The following FGF13 variants were observed in gnomAD, a reference collection of about 807,000 sequenced individuals.
FGF13 encodes fibroblast growth factor 13.
In FGF13, 2 loss-of-function variants were observed where a neutral mutation model predicts 19.5. The ratio of observed to expected loss-of-function variants is 0.10; its 90% CI spans 0.04 to 0.32. FGF13 has a LOEUF of 0.32. Among genes scored for constraint, FGF13 ranks in the 10% least tolerant of loss-of-function variants. The probability of loss-of-function intolerance (pLI) is 1.00; values close to 1 mark genes in which losing one functional copy is unlikely to be tolerated. For missense variants in FGF13, 113 were observed against 192.7 expected, an observed-to-expected ratio of 0.59 and a Z score of 2.45; for synonymous variants, 72 against 76.9, an observed-to-expected ratio of 0.94 and a Z score of 0.33.
At chrX:138,853,616 TGTGC>T (rs1170103451), downstream of FGF13, among the ~76,000 whole-genome samples, 5 of 79,011 alleles carry the variant, frequency 6.3e-5, no homozygotes, top group African/African-American at 9.4e-5. Context: ...TGTGTGTGCG[TGTGC>T]GTGTGTGTGT....
chrX:138,775,224 G>A (rs2090579132), intron 3 of FGF13, among the ~76,000 whole-genome samples: 1 of 112,314 alleles, frequency 8.9e-6, no homozygotes, highest in African/African-American at 3.2e-5. Context: ...CTCCCAAAGT[G>A]CTGGGATTAC....
intron 1 of FGF13, among the ~76,000 whole-genome samples, chrX:139,011,361 C>CAAAAA (rs3047329): frequency 1.2e-5 from 1 of 82,922 alleles, no homozygotes; most frequent in East Asian, 3.8e-4. Flanking sequence ...AACAAACAAA[C>CAAAAA]AAAAAAAAAA....
chrX:139,027,655 T>C lies in FGF13; in HGVS notation c.-112-163005A>G, dbSNP rs138594384. On this transcript the variant is annotated intron_variant, in intron 1 of 2. Coordinates refer to the FGF13 transcript ENST00000421460. ...TTGTTCAAAACACAGAGAGGTGTGT[T>C]TCCAGTCAAGTTTTCATTCAATACT... Among the ~76,000 whole-genome samples, 1,055 of 111,936 alleles carry C rather than the reference T, an allele frequency of 9.4e-3. 10 individuals are homozygous for C. The highest frequency in any genetic ancestry group is 0.032 in the African/African-American group (979 of 30,849).
At chrX:139,066,678 G>A (rs1307621261) in intron 1 of FGF13, among the ~76,000 whole-genome samples, 3 of 111,312 alleles carry the variant, frequency 2.7e-5, no homozygotes, top group African/African-American at 9.8e-5. Context: ...TGGATTCACA[G>A]CCGAATTCTA....
intron 1 of FGF13, among the ~76,000 whole-genome samples, chrX:138,937,225 T>C (rs1352300388): frequency 9.0e-6 from 1 of 111,458 alleles, no homozygotes; most frequent in East Asian, 2.8e-4. Context: ...TTACACAGTA[T>C]GTTGAGAACG....
chrX:139,172,138 T>C (rs2084138773), intron 1 of FGF13, among the ~76,000 whole-genome samples: 2 of 112,166 alleles, frequency 1.8e-5, no homozygotes, highest in Non-Finnish European at 3.8e-5. Flanking sequence ...TCTACTTTAT[T>C]TGCATTAAAT....
At chrX:138,789,208 C>G (rs2090718744) in intron 3 of FGF13, among the ~76,000 whole-genome samples, 1 of 110,656 alleles carries the variant, frequency 9.0e-6, no homozygotes, top group Non-Finnish European at 1.9e-5. Flanking sequence ...CTCCCTCTGT[C>G]GCCAGGCTGG....
At chrX:138,656,248 A>G (rs771057538) in intron 3 of FGF13, among the ~76,000 whole-genome samples, 3 of 111,848 alleles carry the variant, frequency 2.7e-5, no homozygotes, top group Non-Finnish European at 5.6e-5. Flanking sequence ...CTGAGGTATA[A>G]CAGTCATTTT....
chrX:139,115,148 C>A (rs937636173), intron 1 of FGF13, among the ~76,000 whole-genome samples: 1 of 111,181 alleles, frequency 9.0e-6, no homozygotes, highest in African/African-American at 3.3e-5. Context: ...GAACTCTTGC[C>A]GTTCCTCTAA....
At chrX:138,807,973 C>G (rs1180699169) in intron 3 of FGF13, among the ~76,000 whole-genome samples, 1 of 111,508 alleles carries the variant, frequency 9.0e-6, no homozygotes, top group African/African-American at 3.3e-5. Flanking sequence ...GAGACTTAGA[C>G]TCCCACACAA....
chrX:139,146,977 G>C (rs943778758), intron 1 of FGF13, among the ~76,000 whole-genome samples: 3 of 108,218 alleles, frequency 2.8e-5, no homozygotes, highest in African/African-American at 1.0e-4. Flanking sequence ...CGTGGGGTGG[G>C]GGAGGGAGGA....
chrX:139,100,043 C>CGCAA (rs2083498603), intron 1 of FGF13, among the ~76,000 whole-genome samples: 1 of 51,770 alleles, frequency 1.9e-5, no homozygotes, highest in Non-Finnish European at 4.2e-5. Flanking sequence ...GGAAAGCAAA[C>CGCAA]ACACACACAC....
chrX:138,728,181 T>C lies in FGF13; in HGVS notation c.28+11061A>G, dbSNP rs575410474. On this transcript the variant is annotated intron_variant, in intron 1 of 4. Coordinates refer to the FGF13 transcript ENST00000305414. ...ATATTTCACTCTAAGTGATATAATT[T>C]TTGCAACTTTCTTGTTTTGGCTCCG... Among the ~76,000 whole-genome samples the C allele has an allele frequency of 9.9e-5, 11 of 111,461 alleles. 2 individuals carry two copies. In the South Asian group the frequency reaches 4.2e-3, roughly 42 times the overall value.
chrX:138,884,953 C>T (rs147133993), intron 1 of FGF13, among the ~76,000 whole-genome samples: 31 of 112,062 alleles, frequency 2.8e-4, no homozygotes, highest in African/African-American at 9.1e-4. Context: ...CACCATTAGC[C>T]ATCTAGTTCA....
chrX:138,741,285 C>CT (rs2090316307), upstream of FGF13, among the ~76,000 whole-genome samples: 1 of 111,874 alleles, frequency 8.9e-6, no homozygotes, highest in Non-Finnish European at 1.9e-5. Flanking sequence ...GCCATAGCTT[C>CT]TTATAATGGC....
intron 1 of FGF13, among the ~76,000 whole-genome samples, chrX:138,958,806 T>C (rs776040048): frequency 9.3e-4 from 104 of 111,824 alleles, no homozygotes; most frequent in African/African-American, 3.3e-3. Context: ...AGTTTATTTG[T>C]GTAGAGGTGT....
At chrX:139,131,382 GGTGTGTGTGTGTGT>G (rs10541863) in intron 1 of FGF13, among the ~76,000 whole-genome samples, 17 of 91,444 alleles carry the variant, frequency 1.9e-4, no homozygotes, top group Admixed American at 7.6e-4. Context: ...AATATAGAGG[GGTGTGTGTGTGTGT>G]GTGTGTGTGT....
Position 139,017,179 on chromosome X carries a change from G to A in FGF13, c.-112-152529C>T, listed in dbSNP as rs187611030. ...AGGATGGTTTGTGTGGAGATGGGGG[G>A]ATCAAACTTCTTACAAAATTTAGGC... On this transcript the variant is annotated intron_variant, in intron 1 of 2. Transcript: ENST00000421460. 1.6e-3 allele frequency among the ~76,000 whole-genome samples: 172 copies of A among 108,774 alleles called. 1 individual carries two copies. The Middle Eastern group carries it at 0.024, about 15-fold the overall frequency. The allele number at this position is 108,774 out of a possible 115,157, so 94.5% of individuals were successfully genotyped here.
intron 1 of FGF13, among the ~76,000 whole-genome samples, chrX:138,723,461 G>A (rs765388329): frequency 9.0e-6 from 1 of 111,221 alleles, no homozygotes; most frequent in African/African-American, 3.3e-5. Context: ...TCAATGCCAT[G>A]AGCCAGGGCC....
Sources: allele counts gnomAD v4.1 joint callset (sites outside exome capture counted in the v4.1 genomes callset), GRCh38; gene constraint gnomAD v4.1.1; transcripts MANE v1.5; gene names NCBI Gene and HGNC (gene_info 2026-07-23, HGNC 2026-07-21).